TAFA4: variants seen among roughly 807,000 people sequenced by gnomAD.
TAFA4 encodes the protein TAFA chemokine like family member 4, also known as chemokine-like protein TAFA-4.
A neutral mutation model predicts 21.1 loss-of-function variants in TAFA4; 20 were observed. The observed-to-expected ratio is 0.95, with a 90% confidence interval of 0.67 to 1.38. The LOEUF (loss-of-function observed/expected upper bound fraction) is 1.38. TAFA4 is among the 40% of genes most tolerant of loss of function. The pLI, the probability that TAFA4 is intolerant of heterozygous loss-of-function variation, is 0.00. For synonymous variants in TAFA4, 71 were observed against 67.4 expected (o/e 1.05, Z -0.26); for missense variants, 211 against 180.9 (o/e 1.17, Z -0.95).
At chr3:68,915,241 A>C (rs1392717097) in intron 1 of TAFA4, among the ~76,000 whole-genome samples, 1 of 152,230 alleles carries the variant, frequency 6.6e-6, no homozygotes, top group Non-Finnish European at 1.5e-5. Flanking sequence ...CTGAGTTCTT[A>C]GGACAAGCTC....
At chr3:68,781,682 T>C (rs957723176) in intron 3 of TAFA4, among the ~76,000 whole-genome samples, 2 of 152,016 alleles carry the variant, frequency 1.3e-5, no homozygotes, top group Non-Finnish European at 1.5e-5. Context: ...TTTCCTAACA[T>C]TTAAAGAAGA....
intron 1 of TAFA4, among the ~76,000 whole-genome samples, chr3:68,885,743 T>G (rs2089666017): frequency 6.6e-6 from 1 of 152,286 alleles, no homozygotes; most frequent in South Asian, 2.1e-4. Context: ...ATTCCTGGAT[T>G]TGTGTGACAT....
intron 1 of TAFA4, among the ~76,000 whole-genome samples, chr3:68,928,738 G>C (rs4616646): frequency 0.01 from 1,556 of 152,214 alleles, 27 homozygotes; most frequent in African/African-American, 0.035. Context: ...CCTCCGCAGA[G>C]ACAGCCAAGG....
At chr3:68,795,648 T>C (rs962325469) in intron 3 of TAFA4, among the ~76,000 whole-genome samples, 1 of 152,030 alleles carries the variant, frequency 6.6e-6, no homozygotes, top group African/African-American at 2.4e-5. Context: ...CAAAAATAAA[T>C]ACAAAATCCA....
At chr3:68,794,972 C>T (rs1703426715) in intron 3 of TAFA4, among the ~76,000 whole-genome samples, 1 of 147,672 alleles carries the variant, frequency 6.8e-6, no homozygotes, top group Admixed American at 6.9e-5. Context: ...CTAAACTAAG[C>T]CTGTTTTTGA....
In TAFA4 at chr3:68,890,607, G is replaced by T. The variant is rs202081039; in HGVS notation, c.-122-5297C>A. Reference sequence around the variant, plus strand: ...TAAAAGAAGGATTTATTTACATCACGATATGGCATAGGTAGAAGTGGCTTG... The same window carrying T: ...TAAAAGAAGGATTTATTTACATCACTATATGGCATAGGTAGAAGTGGCTTG... On this transcript the variant is annotated intron_variant, in intron 1 of 5. Transcript: ENST00000295569. Among the ~76,000 whole-genome samples, 4 of 152,274 alleles carry T rather than the reference G, an allele frequency of 2.6e-5. No individual in the cohort carries two copies. The East Asian group carries it at 5.8e-4, about 22-fold the overall frequency.
chr3:68,802,820 T>A (rs185534048), intron 3 of TAFA4, among the ~76,000 whole-genome samples: 1 of 152,364 alleles, frequency 6.6e-6, no homozygotes, highest in East Asian at 1.9e-4. Flanking sequence ...TTAATGCATA[T>A]AGCAACCCTG....
intron 1 of TAFA4, among the ~76,000 whole-genome samples, chr3:68,929,973 G>C (rs1308349514): frequency 1.3e-5 from 2 of 152,166 alleles, no homozygotes; most frequent in Non-Finnish European, 2.9e-5. Context: ...TTAATCCCCA[G>C]TGAATGCAGT....
chr3:68,826,666 G>A (rs1323344154), intron 3 of TAFA4, among the ~76,000 whole-genome samples: 1 of 151,898 alleles, frequency 6.6e-6, no homozygotes, highest in African/African-American at 2.4e-5. Flanking sequence ...CTCTGAATTT[G>A]AGGGTAGAAT....
At chr3:68,923,318 G>T (rs891755372) in intron 1 of TAFA4, among the ~76,000 whole-genome samples, 39 of 152,256 alleles carry the variant, frequency 2.6e-4, no homozygotes, top group Admixed American at 9.8e-4. Flanking sequence ...ATTCTATAAA[G>T]TGACTAAACG....
chr3:68,819,045 G>A (rs983614378), intron 3 of TAFA4, among the ~76,000 whole-genome samples: 2 of 152,128 alleles, frequency 1.3e-5, no homozygotes, highest in African/African-American at 2.4e-5. Flanking sequence ...GGCCAAGGCA[G>A]GTGGATCACT....
rs571268666 is a variant in TAFA4 at position 68,752,897 on chromosome 3, C to T, written c.252G>A (p.Ala84=). 31 of 1,614,020 alleles carry T rather than the reference C, an allele frequency of 1.9e-5. No homozygotes were observed. The highest frequency in any genetic ancestry group is 8.3e-5 in the Admixed American group (5 of 59,996). ...AAGAAGGTTGAGCCCGAGTTGTGCC[C>T]GCCACCTGTCCCGGGAAGCAAGAGC... The part of the protein sequence containing the change: ...VKCSCFPGQV[A]GTTRAQPSCV... The change falls in exon 4 of 6, where the codon GCG becomes GCA. Residue 84 remains alanine, a synonymous_variant. Transcript: ENST00000295569.
chr3:68,746,715 G>A (rs1334123504), intron 4 of TAFA4, among the ~76,000 whole-genome samples: 1 of 152,134 alleles, frequency 6.6e-6, no homozygotes, highest in African/African-American at 2.4e-5. Context: ...ACACAATATT[G>A]TTAGTTCCAC....
chr3:68,878,759 C>T (rs956908947), intron 3 of TAFA4, among the ~76,000 whole-genome samples: 5 of 152,116 alleles, frequency 3.3e-5, no homozygotes, highest in East Asian at 1.9e-4. Flanking sequence ...CTGTCTTTTG[C>T]GTTTTTTAGT....
chr3:68,756,669 C>T (rs372970434), intron 3 of TAFA4, among the ~76,000 whole-genome samples: 15 of 152,236 alleles, frequency 9.9e-5, no homozygotes, highest in African/African-American at 3.1e-4. Context: ...TTGTAAAATG[C>T]ACAGACAGAA....
At chr3:68,743,701 A>T (rs987525053) in intron 4 of TAFA4, among the ~76,000 whole-genome samples, 1 of 151,770 alleles carries the variant, frequency 6.6e-6, no homozygotes, top group Non-Finnish European at 1.5e-5. Flanking sequence ...TCCTCTTTTG[A>T]TTGTCCCAAC....
intron 1 of TAFA4, among the ~76,000 whole-genome samples, chr3:68,931,003 G>C (rs542749086): frequency 3.7e-4 from 57 of 152,280 alleles, no homozygotes; most frequent in African/African-American, 1.3e-3. Flanking sequence ...GTTCTAGAGG[G>C]GGCCAAACGA....
chr3:68,884,207 G>T (rs2089648373), intron 2 of TAFA4, among the ~76,000 whole-genome samples: 1 of 152,216 alleles, frequency 6.6e-6, no homozygotes, highest in Admixed American at 6.5e-5. Context: ...CTATATTGAG[G>T]GCTGGAGGGC....
At chr3:68,868,250 G>C (rs146558386) in intron 3 of TAFA4, among the ~76,000 whole-genome samples, 2 of 151,820 alleles carry the variant, frequency 1.3e-5, no homozygotes, top group African/African-American at 2.4e-5. Flanking sequence ...GAGACAAAGA[G>C]GTTCACTATA....
Sources: gnomAD v4.1 joint callset for allele counts (sites outside exome capture counted in the v4.1 genomes callset) on GRCh38, gnomAD v4.1.1 for gene constraint, MANE v1.5 for transcripts, NCBI Gene and HGNC (gene_info 2026-07-23, HGNC 2026-07-21) for gene names.